Variants in KIF9 observed in about 807,000 individuals in gnomAD.
KIF9 encodes kinesin family member 9.
Under a neutral mutation model 94.8 loss-of-function variants are expected in KIF9, and 68 were observed. The observed-to-expected ratio is 0.72, with a 90% confidence interval of 0.59 to 0.88. The LOEUF is 0.88. Ranked by LOEUF, KIF9 falls within the 40% of genes least tolerant of loss-of-function variation. The pLI, the probability that KIF9 is intolerant of heterozygous loss-of-function variation, is 0.00. For synonymous variants in KIF9, 343 were observed against 362.1 expected (o/e 0.95, Z 0.60); for missense variants, 882 against 982.5 (o/e 0.90, Z 1.37).
At chr3:47,258,898 T>C (rs980245021) in intron 9 of KIF9, among the ~76,000 whole-genome samples, 6 of 152,228 alleles carry the variant, frequency 3.9e-5, no homozygotes, top group Non-Finnish European at 8.8e-5. Flanking sequence ...GTGTGCATTT[T>C]ACACTTGCAT....
rs780196460 is a variant in KIF9, at chr3:47,277,273, C to A, written c.93+9G>T. 3 of 1,607,144 alleles carry A rather than the reference C, an allele frequency of 1.9e-6. No individual in the cohort carries two copies. The highest frequency in any genetic ancestry group is 2.6e-6 in the Non-Finnish European group (3 of 1,173,960). On this transcript the variant is annotated intron_variant, in intron 2 of 20. Coordinates refer to ENST00000684063, the MANE Select transcript of KIF9 (RefSeq NM_182902.4). ...CCCAGTCAGTTGAAGGCAAACACATCGCACTTACTCTTTTGTCATCTCCGT... is the reference window on the plus strand; with the variant it reads ...CCCAGTCAGTTGAAGGCAAACACATAGCACTTACTCTTTTGTCATCTCCGT...
At chr3:47,257,379 G>A (rs970011802) in intron 10 of KIF9, 104 bp downstream of exon 10, 1 of 982,474 alleles carries the variant, frequency 1.0e-6, no homozygotes, top group African/African-American at 1.6e-5. Context: ...GCTGCATGGG[G>A]ATCTTTGGTT....
At chr3:47,235,759 GC>G in intron 19 of KIF9, 142 bp from the exon 20 acceptor site, 1 of 690,072 alleles carries the variant, frequency 1.4e-6, no homozygotes, top group East Asian at 2.7e-5. Flanking sequence ...CAGCCCTCCA[GC>G]CCCCATGTCT....
chr3:47,271,589 G>T, intron 4 of KIF9, 128 bp from the exon 5 acceptor site: 1 of 681,312 alleles, frequency 1.5e-6, no homozygotes. Context: ...AAGGAATTGG[G>T]TGATATTTAG....
chr3:47,258,154 AAAG>A (rs1700739902), intron 9 of KIF9, among the ~76,000 whole-genome samples: 1 of 152,266 alleles, frequency 6.6e-6, no homozygotes, highest in African/African-American at 2.4e-5. Context: ...GAAAAGCTAA[AAAG>A]AAGCAGGTAA....
chr3:47,278,975 AAAAT>A (rs1466956755), intron 1 of KIF9, among the ~76,000 whole-genome samples: 1 of 151,916 alleles, frequency 6.6e-6, no homozygotes, highest in Non-Finnish European at 1.5e-5. Flanking sequence ...CCATCTCCAA[AAAAT>A]AAATAAATGA....
At position 47,240,411 on chromosome 3, in the gene KIF9, A is replaced by T. The variant is rs372226181; in HGVS notation, c.1924+390T>A. ...AGTCCCTACCAGCAGCCCCACCTCAATCTGACCACCTGGGGCAGTGAGGAA... is the reference window on the plus strand; with the variant it reads ...AGTCCCTACCAGCAGCCCCACCTCATTCTGACCACCTGGGGCAGTGAGGAA... On this transcript the variant is annotated intron_variant, in intron 17 of 20. Coordinates refer to ENST00000684063, the MANE Select transcript of KIF9 (RefSeq NM_182902.4). Among the ~76,000 whole-genome samples, 8 of 152,176 alleles carry T rather than the reference A, an allele frequency of 5.3e-5. 1 individual carries two copies. Among genetic ancestry groups the T allele is most frequent in the Admixed American group, 5.2e-4 (8 of 15,278 alleles).
intron 4 of KIF9, among the ~76,000 whole-genome samples, chr3:47,272,784 A>G (rs1037294796): frequency 8.5e-5 from 13 of 152,240 alleles, no homozygotes; most frequent in African/African-American, 2.7e-4. Flanking sequence ...CTAGATTACT[A>G]AAGTCTAAGA....
chr3:47,245,024 T>C, intron 14 of KIF9, 100 bp from the exon 15 acceptor site: 12 of 1,472,172 alleles, frequency 8.2e-6, no homozygotes, highest in Non-Finnish European at 1.1e-5. Flanking sequence ...GTGGACATGT[T>C]CACCATACAC....
intron 8 of KIF9, 44 bp downstream of exon 8, chr3:47,265,686 A>G: frequency 6.2e-7 from 1 of 1,602,060 alleles, no homozygotes; most frequent in Non-Finnish European, 8.5e-7. Flanking sequence ...TCCCTCCCCA[A>G]AGACACAGAC....
intron 9 of KIF9, chr3:47,263,881 A>G (rs1293022095): frequency 2.2e-6 from 1 of 457,896 alleles, no homozygotes; most frequent in East Asian, 6.9e-5. Context: ...TACTGGCCTT[A>G]TAACCACAGC....
intron 1 of KIF9, among the ~76,000 whole-genome samples, chr3:47,279,975 G>T (rs1702227795): frequency 6.6e-6 from 1 of 152,182 alleles, no homozygotes; most frequent in South Asian, 2.1e-4. Context: ...ATTTATTTCA[G>T]ACAGAGTCTC....
rs1303086910 is a variant in KIF9, at chr3:47,275,415, A to G, written c.169T>C (p.Leu57=). 2 of 1,613,652 alleles carry G rather than the reference A, an allele frequency of 1.2e-6. No individual in the cohort carries two copies. The highest frequency in any genetic ancestry group is 1.3e-5 in the African/African-American group (1 of 75,028). Residue 57 remains leucine (L), a synonymous_variant, in exon 3 of 21, where the codon TTG becomes CTG. Coordinates refer to ENST00000684063, the MANE Select transcript of KIF9 (RefSeq NM_182902.4). ...GAGGCATCGTGAAGAACTCCATCCA[A>G]CTTAAACGACCAGTCTGTCTGTTGG... ...NNQQTDWSFK[L]DGVLHDASQD... is the part of the protein sequence containing the mutation.
At chr3:47,282,408 GT>G in intron 1 of KIF9, 86 bp downstream of exon 1, 1 of 986,554 alleles carries the variant, frequency 1.0e-6, no homozygotes, top group Non-Finnish European at 1.2e-6. Flanking sequence ...AGATAAAGCG[GT>G]TTTTGGACCC....
At chr3:47,255,188 T>C (rs764770297) in intron 10 of KIF9, among the ~76,000 whole-genome samples, 2 of 152,232 alleles carry the variant, frequency 1.3e-5, no homozygotes, top group Non-Finnish European at 2.9e-5. Context: ...CTACACCAGA[T>C]GTTGCCAGAA....
At chr3:47,279,886 A>C (rs1702223876) in intron 1 of KIF9, among the ~76,000 whole-genome samples, 1 of 152,066 alleles carries the variant, frequency 6.6e-6, no homozygotes, top group Non-Finnish European at 1.5e-5. Flanking sequence ...CATTTTATAT[A>C]AAATTATCTA....
intron 20 of KIF9, 83 bp downstream of exon 20, chr3:47,235,430 C>T: frequency 1.0e-6 from 1 of 961,798 alleles, no homozygotes; most frequent in East Asian, 2.4e-5. Context: ...TCCTCCCCTA[C>T]CTCTCTAAAG....
At chr3:47,234,091 C>A (rs900841076) in intron 20 of KIF9, among the ~76,000 whole-genome samples, 6 of 151,434 alleles carry the variant, frequency 4.0e-5, no homozygotes, top group South Asian at 4.2e-4. Context: ...CCCACCCCCC[C>A]CAAAAAAAAG....
At position 47,267,083 on chromosome 3, in the gene KIF9, A is replaced by G. The variant is rs1243380462; in HGVS notation, c.676-15T>C. ...CGGGAATGGGCCTACAAAACATCCA[A>G]GCAGAAGTTAGACTGTCACAGGGAG... On this transcript the variant is annotated splice_polypyrimidine_tract_variant and intron_variant, in intron 6 of 20. Transcript: ENST00000684063. 8.1e-6 allele frequency: 13 copies of G among 1,611,616 alleles called. No individual in the cohort carries two copies. Among genetic ancestry groups the G allele is most frequent in the Non-Finnish European group, 1.0e-5 (12 of 1,177,892 alleles).
Sources: gnomAD v4.1 joint callset for allele counts (sites outside exome capture counted in the v4.1 genomes callset) on GRCh38, gnomAD v4.1.1 for gene constraint, MANE v1.5 for transcripts, NCBI Gene and HGNC (gene_info 2026-07-23, HGNC 2026-07-21) for gene names.